Variants in ACTR2 observed in about 807,000 individuals in gnomAD.
ACTR2 encodes actin-related protein 2.
In ACTR2, 5 loss-of-function variants were observed where a neutral mutation model predicts 50.2. The observed-to-expected ratio is 0.10, with a 90% CI of 0.05 to 0.21. The LOEUF is 0.21. Among genes scored for constraint, ACTR2 ranks in the 10% least tolerant of loss-of-function variants. The probability of loss-of-function intolerance (pLI) is 1.00; values close to 1 mark genes in which losing one functional copy is unlikely to be tolerated. For missense variants in ACTR2, 180 were observed against 480.6 expected, an observed-to-expected ratio of 0.37 and a Z score of 5.85; for synonymous variants, 140 against 162.9, an observed-to-expected ratio of 0.86 and a Z score of 1.07.
At chr2:65,230,662 C>T (rs1217911613) in intron 1 of ACTR2, among the ~76,000 whole-genome samples, 9 of 151,886 alleles carry the variant, frequency 5.9e-5, no homozygotes, top group Non-Finnish European at 1.2e-4. Flanking sequence ...CTGCCCACTG[C>T]GGCCTCCTAA....
At chr2:65,263,121 A>G (rs917269738) in intron 7 of ACTR2, among the ~76,000 whole-genome samples, 1 of 151,478 alleles carries the variant, frequency 6.6e-6, no homozygotes, top group Non-Finnish European at 1.5e-5. Flanking sequence ...GCTCACTGCA[A>G]CCTGGGTGGA....
At chr2:65,236,011 T>G (rs1671732392) in intron 1 of ACTR2, among the ~76,000 whole-genome samples, 1 of 152,198 alleles carries the variant, frequency 6.6e-6, no homozygotes. Flanking sequence ...CATAAAAGCT[T>G]TAATCTGATT....
At chr2:65,231,138 T>C (rs1168338552) in intron 1 of ACTR2, among the ~76,000 whole-genome samples, 1 of 152,144 alleles carries the variant, frequency 6.6e-6, no homozygotes. Flanking sequence ...TTAAGACAAG[T>C]GATCAATTCC....
Position 65,270,593 on chromosome 2 carries a change from T to C in ACTR2, c.*1859T>C, listed in dbSNP as rs1309749814. ...GGCAGTTGGGTTCAGGGAAATGGGA[T>C]TGACTTGGCCTTCAGGCTCCTTTGG... is the stretch of plus-strand genomic sequence containing the variant. On this transcript the variant is annotated 3_prime_UTR_variant, in exon 9 of 9. Transcript: ENST00000260641. The C allele has an allele frequency of 6.6e-6, 1 of 152,400 alleles. No individual in the cohort carries two copies. Among genetic ancestry groups the C allele is most frequent in the East Asian group, 1.9e-4 (1 of 5,202 alleles). 9.4% of individuals were successfully genotyped at this position (152,400 alleles called of 1,614,324 possible).
At chr2:65,251,724 C>G (rs539405714) in intron 4 of ACTR2, among the ~76,000 whole-genome samples, 1 of 152,010 alleles carries the variant, frequency 6.6e-6, no homozygotes, top group East Asian at 1.9e-4. Flanking sequence ...AAAAAAAATA[C>G]GCAGAGATTC....
intron 4 of ACTR2, 65 bp downstream of exon 4, chr2:65,251,164 A>G (rs1672042306): frequency 8.2e-7 from 1 of 1,220,674 alleles, no homozygotes; most frequent in Non-Finnish European, 1.2e-6. Flanking sequence ...GTTTTATGTC[A>G]GAGAATTTGG....
At chr2:65,250,912 A>G in intron 3 of ACTR2, 115 bp from the exon 4 acceptor site, 2 of 567,458 alleles carry the variant, frequency 3.5e-6, no homozygotes, top group East Asian at 6.6e-5. Flanking sequence ...AGACTATTTC[A>G]GGTCCATTTG....
chr2:65,253,713 C>T lies in ACTR2; in HGVS notation c.449-15C>T, dbSNP rs1244574902. ...GATTTGACTTTTTATTTAAATCCCC[C>T]TGGCTTTTATGCAGGTTTATTGACT... On this transcript the variant is annotated splice_polypyrimidine_tract_variant and intron_variant, in intron 4 of 8. Coordinates refer to ENST00000260641, the MANE Select transcript of ACTR2 (RefSeq NM_005722.4). 1 of 1,607,360 alleles carries T rather than the reference C, an allele frequency of 6.2e-7. No homozygotes were observed. Among genetic ancestry groups the T allele is most frequent in the Non-Finnish European group, 8.5e-7 (1 of 1,177,604 alleles).
At chr2:65,257,087 C>T (rs955967952) in intron 6 of ACTR2, among the ~76,000 whole-genome samples, 1 of 151,932 alleles carries the variant, frequency 6.6e-6, no homozygotes, top group African/African-American at 2.4e-5. Flanking sequence ...TAATGCTATA[C>T]CTCCCTCCCC....
intron 1 of ACTR2, among the ~76,000 whole-genome samples, chr2:65,235,777 C>A (rs1262168590): frequency 6.6e-6 from 1 of 151,914 alleles, no homozygotes; most frequent in Non-Finnish European, 1.5e-5. Context: ...TAAAATAATC[C>A]AAAAGAATTG....
intron 4 of ACTR2, among the ~76,000 whole-genome samples, chr2:65,251,800 T>G (rs1010164859): frequency 9.9e-5 from 15 of 152,204 alleles, no homozygotes; most frequent in African/African-American, 3.6e-4. Flanking sequence ...GGTAAACATT[T>G]GGGAGTGCAT....
At chr2:65,243,387 T>G (rs1014972849) in intron 2 of ACTR2, among the ~76,000 whole-genome samples, 4 of 152,178 alleles carry the variant, frequency 2.6e-5, no homozygotes, top group African/African-American at 7.2e-5. Flanking sequence ...TCCAGCACTT[T>G]GGCAGGACGA....
At chr2:65,247,530 G>GT (rs553188482) in intron 3 of ACTR2, among the ~76,000 whole-genome samples, 556 of 152,330 alleles carry the variant, frequency 3.6e-3, no homozygotes, top group Middle Eastern at 6.8e-3. Context: ...AGAGCTTGCA[G>GT]TGAGTGGAGA....
At chr2:65,260,875 C>T (rs142177991) in intron 6 of ACTR2, among the ~76,000 whole-genome samples, 1,597 of 151,666 alleles carry the variant, frequency 0.011, 32 homozygotes, top group African/African-American at 0.037. Flanking sequence ...GGACTATAGG[C>T]GCCCGCCACC....
In ACTR2 at chr2:65,267,502, T is replaced by G. The variant is rs187253777; in HGVS notation, c.1015-1062T>G. 1.9e-3 allele frequency among the ~76,000 whole-genome samples: 284 copies of G among 152,348 alleles called. 2 individuals carry two copies. The South Asian group carries it at 0.022, about 12-fold the overall frequency. Reference sequence around the variant, plus strand: ...TTTAGAATGACATAGTTACATTGGGTCTTTTTTGCAGATCGTGATACTGTA... The same window carrying G: ...TTTAGAATGACATAGTTACATTGGGGCTTTTTTGCAGATCGTGATACTGTA... On this transcript the variant is annotated intron_variant, in intron 8 of 8. Coordinates refer to ENST00000260641, the MANE Select transcript of ACTR2 (RefSeq NM_005722.4).
chr2:65,264,995 AT>A, intron 7 of ACTR2, 47 bp from the exon 8 acceptor site: 1 of 1,608,304 alleles, frequency 6.2e-7, no homozygotes, highest in South Asian at 1.1e-5. Context: ...CTGAGATACC[AT>A]TTTCCTAACC....
chr2:65,270,980 A>T lies in ACTR2; in HGVS notation c.*2246A>T, dbSNP rs947418453. The T allele has an allele frequency of 6.6e-6, 1 of 152,170 alleles. No individual in the cohort carries two copies. The highest frequency in any genetic ancestry group is 2.4e-5 in the African/African-American group (1 of 41,456). The allele number at this position is 152,170 out of a possible 1,614,324, so 9.4% of individuals were successfully genotyped here. A position where few individuals can be genotyped will look rare whatever the true frequency, so the allele number is the denominator to read the frequency against. On this transcript the variant is annotated 3_prime_UTR_variant, in exon 9 of 9. Coordinates refer to ENST00000260641, the MANE Select transcript of ACTR2 (RefSeq NM_005722.4). ...ATTGCTACTTAAATTTCCAATAATT[A>T]AAAATTTAAAATTTTTAAATTAGAA... is the stretch of plus-strand genomic sequence containing the variant.
rs140126538 is a variant in ACTR2, at chr2:65,251,053, C to A, written c.402C>A (p.Ser134=). 1 of 1,605,838 alleles carries A rather than the reference C, an allele frequency of 6.2e-7. No homozygotes were observed. The highest frequency in any genetic ancestry group is 8.5e-7 in the Non-Finnish European group (1 of 1,176,274). The change falls in exon 4 of 9, where the codon TCC becomes TCA. Residue 134 remains serine (S), a synonymous_variant. Coordinates refer to ENST00000260641, the MANE Select transcript of ACTR2 (RefSeq NM_005722.4). ...TAATGTTTGAAACTTACCAGTTTTC[C>A]GGTGTATATGTAGCCATCCAGGCAG... ...VEVMFETYQF[S]GVYVAIQAVL... is the part of the protein sequence containing the mutation.
At chr2:65,243,459 GTC>G (rs1671879544) in intron 2 of ACTR2, among the ~76,000 whole-genome samples, 1 of 152,044 alleles carries the variant, frequency 6.6e-6, no homozygotes, top group Non-Finnish European at 1.5e-5. Flanking sequence ...GCAAGACCCT[GTC>G]TCTATAGAAA....
Sources: gnomAD v4.1 joint callset for allele counts (sites outside exome capture counted in the v4.1 genomes callset) on GRCh38, gnomAD v4.1.1 for gene constraint, MANE v1.5 for transcripts, NCBI Gene and HGNC (gene_info 2026-07-23, HGNC 2026-07-21) for gene names.